Variants in SHQ1 observed in about 807,000 individuals in gnomAD.
SHQ1 encodes protein SHQ1 homolog.
A neutral mutation model predicts 53.8 loss-of-function variants in SHQ1; 49 were observed. The ratio of observed to expected loss-of-function variants is 0.91; its 90% CI spans 0.72 to 1.16. SHQ1 has a LOEUF of 1.16. SHQ1 is among the 50% of genes most tolerant of loss of function. The pLI is 0.00. For synonymous variants in SHQ1, 243 were observed against 251.0 expected (o/e 0.97, Z 0.30); for missense variants, 738 against 683.1 (o/e 1.08, Z -0.90).
chr3:72,793,728 A>G (rs1303807397), intron 9 of SHQ1: 1 of 152,192 alleles, frequency 6.6e-6, no homozygotes, highest in Non-Finnish European at 1.5e-5. Flanking sequence ...ACTGTATTCT[A>G]AATTTCAAAC....
chr3:72,746,478 A>G (rs1705261370), downstream of SHQ1, among the ~76,000 whole-genome samples: 2 of 152,198 alleles, frequency 1.3e-5, no homozygotes, highest in South Asian at 2.1e-4. Flanking sequence ...TTCTCAGCCC[A>G]TCTTAAACAA....
intron 9 of SHQ1, among the ~76,000 whole-genome samples, chr3:72,808,406 T>C (rs924193117): frequency 6.6e-6 from 1 of 152,156 alleles, no homozygotes; most frequent in Non-Finnish European, 1.5e-5. Context: ...TTTCAATATA[T>C]GTAAGTGCAC....
intron 5 of SHQ1, among the ~76,000 whole-genome samples, chr3:72,829,035 T>A (rs1437998984): frequency 6.7e-6 from 1 of 148,304 alleles, no homozygotes; most frequent in East Asian, 2.0e-4. Flanking sequence ...GGCCAGAAAC[T>A]GATGAAGTGA....
intron 9 of SHQ1, among the ~76,000 whole-genome samples, chr3:72,805,307 A>G (rs1001114101): frequency 5.9e-5 from 9 of 152,204 alleles, no homozygotes; most frequent in African/African-American, 2.2e-4. Flanking sequence ...ATTCCTGGTA[A>G]AACATAAAGT....
rs534372772 is a variant in SHQ1, at chr3:72,831,845, G to C, written c.599+524C>G. On this transcript the variant is annotated intron_variant, in intron 5 of 10. Transcript: ENST00000325599. Reference sequence around the variant, plus strand: ...ATTAATGCCAGTGGGAAATAATACAGCAAAACTTCAAATTAGATTCTATTT... The same window carrying C: ...ATTAATGCCAGTGGGAAATAATACACCAAAACTTCAAATTAGATTCTATTT... Among the ~76,000 whole-genome samples, 46 of 152,262 alleles carry C rather than the reference G, an allele frequency of 3.0e-4. 2 individuals are homozygous for C. The South Asian group carries it at 9.5e-3, about 32-fold the overall frequency.
At chr3:72,765,557 A>ATATTTTTTTTTT (rs1491527508) in intron 10 of SHQ1, among the ~76,000 whole-genome samples, 1 of 57,192 alleles carries the variant, frequency 1.7e-5, no homozygotes, top group African/African-American at 7.9e-5. Flanking sequence ...ATATATATAT[A>ATATTTTTTTTTT]TTTTTTTTTT....
At chr3:72,845,469 AGT>A (rs1470858131) in intron 1 of SHQ1, among the ~76,000 whole-genome samples, 4 of 151,132 alleles carry the variant, frequency 2.6e-5, no homozygotes, top group Non-Finnish European at 5.9e-5. Flanking sequence ...TGGGCAACAG[AGT>A]GAGATTCTGT....
the SHQ1 span, among the ~76,000 whole-genome samples, chr3:72,735,750 A>AAGGAAGGAAGGCAGGC: frequency 7.3e-5 from 9 of 122,634 alleles, no homozygotes; most frequent in African/African-American, 2.6e-4. Flanking sequence ...GGAAGGAAGG[A>AAGGAAGGAAGGCAGGC]AGGCAGGCAG....
At chr3:72,828,815 G>A (rs1438527187) in intron 5 of SHQ1, among the ~76,000 whole-genome samples, 1 of 152,106 alleles carries the variant, frequency 6.6e-6, no homozygotes, top group Non-Finnish European at 1.5e-5. Context: ...AGGCAGGGTC[G>A]GGATCACAGA....
At chr3:72,746,553 C>T (rs1427324133), downstream of SHQ1, among the ~76,000 whole-genome samples, 1 of 152,194 alleles carries the variant, frequency 6.6e-6, no homozygotes, top group Non-Finnish European at 1.5e-5. Flanking sequence ...AGGAGAAACA[C>T]TGCCGACACG....
intron 4 of SHQ1, among the ~76,000 whole-genome samples, chr3:72,833,177 C>G (rs376859296): frequency 2.0e-3 from 312 of 152,246 alleles, no homozygotes; most frequent in Non-Finnish European, 3.4e-3. Flanking sequence ...TGTGGTGGCT[C>G]ACTCCTGTAA....
At position 72,817,293 on chromosome 3, in the gene SHQ1, G is replaced by T. The variant is rs776828808; in HGVS notation, c.819C>A (p.Tyr273Ter). Residue 273 changes from tyrosine to a stop codon, truncating the protein, a stop_gained, in exon 7 of 11, where the codon TAC (tyrosine) becomes TAA (stop). Coordinates refer to ENST00000325599, the MANE Select transcript of SHQ1 (RefSeq NM_018130.3). LOFTEE classifies it high-confidence loss of function. ...LDKRACRQVC[Y>*]SLIDILLAYC... The stretch of plus-strand genomic sequence containing the variant: ...ATGCCAGAAGGATATCAATCAAACT[G>T]TAGCACACTTGACGACAGGCTCTCT... 1 of 1,613,868 alleles carries T rather than the reference G, an allele frequency of 6.2e-7. No homozygotes were observed. Among genetic ancestry groups the T allele is most frequent in the Non-Finnish European group, 8.5e-7 (1 of 1,179,800 alleles).
chr3:72,771,852 C>T (rs568955409), intron 10 of SHQ1, among the ~76,000 whole-genome samples: 38 of 152,262 alleles, frequency 2.5e-4, no homozygotes, highest in South Asian at 1.4e-3. Context: ...TTGAAATTAA[C>T]GTGAAGAAAG....
chr3:72,787,758 A>C (rs1389299119), intron 10 of SHQ1, among the ~76,000 whole-genome samples: 2 of 145,776 alleles, frequency 1.4e-5, no homozygotes, highest in African/African-American at 5.2e-5. Flanking sequence ...TCTCCCTCTG[A>C]TGCCGAGCGG....
At chr3:72,729,032 C>G in the SHQ1 span, among the ~76,000 whole-genome samples, 73 of 152,322 alleles carry the variant, frequency 4.8e-4, no homozygotes, top group African/African-American at 1.7e-3. Context: ...CTGTTCTTCC[C>G]CTCCCTCCAC....
chr3:72,753,741 G>C (rs753768889), intron 10 of SHQ1: 1 of 599,144 alleles, frequency 1.7e-6, no homozygotes, highest in Non-Finnish European at 2.1e-6. Context: ...ATAACCCCTG[G>C]CTAATCTTTT....
At chr3:72,797,226 C>G (rs1032352095) in intron 9 of SHQ1, among the ~76,000 whole-genome samples, 6 of 152,056 alleles carry the variant, frequency 3.9e-5, no homozygotes, top group African/African-American at 1.4e-4. Context: ...CCATTGCACT[C>G]AAGCCTGCAC....
chr3:72,847,808 C>G (rs1708395116), intron 1 of SHQ1, among the ~76,000 whole-genome samples: 1 of 152,028 alleles, frequency 6.6e-6, no homozygotes, highest in Non-Finnish European at 1.5e-5. Context: ...TGGGAAGTCA[C>G]GGAGATGTCA....
chr3:72,774,764 A>C (rs908959736), intron 10 of SHQ1, among the ~76,000 whole-genome samples: 1 of 152,216 alleles, frequency 6.6e-6, no homozygotes, highest in African/African-American at 2.4e-5. Flanking sequence ...GAAGAAATAA[A>C]ATGATACAGA....
Sources: gnomAD v4.1 joint callset for allele counts (sites outside exome capture counted in the v4.1 genomes callset) on GRCh38, gnomAD v4.1.1 for gene constraint, MANE v1.5 for transcripts, NCBI Gene and HGNC (gene_info 2026-07-23, HGNC 2026-07-21) for gene names.